The following POU2F1 variants were observed in gnomAD, a reference collection of about 807,000 sequenced individuals.
POU2F1 encodes POU domain, class 2, transcription factor 1.
POU2F1 carries 16 observed loss-of-function variants against 84.9 expected under a neutral mutation model. That is an observed-to-expected ratio of 0.19 (90% CI 0.13 to 0.29). The LOEUF (loss-of-function observed/expected upper bound fraction) is 0.29, where lower values mean the gene tolerates loss of function less well. POU2F1 is among the 10% of genes least tolerant of loss of function. POU2F1 has a pLI of 1.00. For missense variants in POU2F1, 738 were observed against 942.6 expected, an observed-to-expected ratio of 0.78 and a Z score of 2.84; for synonymous variants, 368 against 368.3, an observed-to-expected ratio of 1.00 and a Z score of 0.01.
chr1:167,345,040 C>T (rs762910194), intron 2 of POU2F1, among the ~76,000 whole-genome samples: 2 of 152,130 alleles, frequency 1.3e-5, no homozygotes, highest in Non-Finnish European at 2.9e-5. Context: ...GGGAGGGGAA[C>T]ATCACATACC....
At chr1:167,240,105 A>G (rs1243423582) in intron 1 of POU2F1, among the ~76,000 whole-genome samples, 3 of 152,232 alleles carry the variant, frequency 2.0e-5, no homozygotes, top group Non-Finnish European at 4.4e-5. Flanking sequence ...TAAAATTAAC[A>G]TAATATATGG....
At chr1:167,366,361 A>AGTG (rs1309341193) in intron 3 of POU2F1, among the ~76,000 whole-genome samples, 1 of 152,228 alleles carries the variant, frequency 6.6e-6, no homozygotes, top group African/African-American at 2.4e-5. Flanking sequence ...TAATGATGGT[A>AGTG]GTGGTAGTGA....
rs555867783 is a variant in POU2F1, at chr1:167,425,961, G to C, written c.*10151G>C. On this transcript the variant is annotated 3_prime_UTR_variant, in exon 16 of 16. Coordinates refer to ENST00000367866, the MANE Select transcript of POU2F1 (RefSeq NM_002697.4). Reference sequence around the variant, plus strand: ...AGATGCCTGTGACTTTTTAACTTGGGGGGTGGGGGGATTGCAAATGAAGGA... The same window carrying C: ...AGATGCCTGTGACTTTTTAACTTGGCGGGTGGGGGGATTGCAAATGAAGGA... 4.0e-5 allele frequency: 6 copies of C among 149,836 alleles called. No individual in the cohort carries two copies. Among genetic ancestry groups the C allele is most frequent in the South Asian group, 2.1e-4 (1 of 4,700 alleles). 9.3% of individuals were successfully genotyped at this position (149,836 alleles called of 1,614,324 possible).
intron 1 of POU2F1, among the ~76,000 whole-genome samples, chr1:167,276,173 G>C (rs1008628999): frequency 6.6e-6 from 1 of 152,104 alleles, no homozygotes; most frequent in Admixed American, 6.5e-5. Flanking sequence ...GAAATCTCAC[G>C]GCATCCCACT....
At chr1:167,350,593 G>A (rs1483056666) in intron 2 of POU2F1, among the ~76,000 whole-genome samples, 1 of 150,578 alleles carries the variant, frequency 6.6e-6, no homozygotes. Context: ...AGAATTGCTT[G>A]AACCTGAGAG....
rs150254224 is a variant in POU2F1 at position 167,416,385 on chromosome 1, A to ATTG, written c.*587_*589dup. On this transcript the variant is annotated 3_prime_UTR_variant, in exon 16 of 16. Transcript: ENST00000367866. ...GGCAGGCCTGTATTACTGTATTATT[A>ATTG]TTGTTGTTGTTGTTATTGTTTTATA... 4.2e-5 allele frequency: 8 copies of ATTG among 188,740 alleles called. No homozygotes were observed. The highest frequency in any genetic ancestry group is 6.5e-5 in the Non-Finnish European group (6 of 91,828). 11.7% of individuals were successfully genotyped at this position (188,740 alleles called of 1,614,324 possible). A position where few individuals can be genotyped will look rare whatever the true frequency, so the allele number is the denominator to read the frequency against.
intron 3 of POU2F1, among the ~76,000 whole-genome samples, chr1:167,369,538 T>C (rs955292428): frequency 1.3e-5 from 2 of 152,202 alleles, no homozygotes; most frequent in Non-Finnish European, 2.9e-5. Flanking sequence ...TGTATCCTTA[T>C]TTTCACATAA....
At chr1:167,346,185 A>G (rs1402783415) in intron 2 of POU2F1, among the ~76,000 whole-genome samples, 1 of 151,990 alleles carries the variant, frequency 6.6e-6, no homozygotes, top group Non-Finnish European at 1.5e-5. Context: ...TTTTTTTAAA[A>G]AAAGAATAAT....
chr1:167,238,699 AT>A (rs1649678903), intron 1 of POU2F1, among the ~76,000 whole-genome samples: 2 of 152,226 alleles, frequency 1.3e-5, no homozygotes, highest in Admixed American at 6.5e-5. Context: ...GAGATACTGC[AT>A]ATTCTTTAGG....
chr1:167,406,034 C>G (rs1262489802), intron 13 of POU2F1, among the ~76,000 whole-genome samples: 1 of 151,594 alleles, frequency 6.6e-6, no homozygotes, highest in Non-Finnish European at 1.5e-5. Context: ...CCGGTATTAC[C>G]CAGATACCTA....
intron 1 of POU2F1, among the ~76,000 whole-genome samples, chr1:167,296,693 A>G (rs757611690): frequency 6.6e-6 from 1 of 152,354 alleles, no homozygotes; most frequent in South Asian, 2.1e-4. Flanking sequence ...AGAAATGTAT[A>G]TGGTAAATGT....
intron 1 of POU2F1, among the ~76,000 whole-genome samples, chr1:167,324,889 G>A (rs111777717): frequency 3.9e-5 from 6 of 152,148 alleles, no homozygotes; most frequent in African/African-American, 7.2e-5. Context: ...TTGGTGGGGG[G>A]AGGGGACACT....
chr1:167,406,468 GTGTT>G (rs1015899032), intron 13 of POU2F1, among the ~76,000 whole-genome samples: 2 of 152,188 alleles, frequency 1.3e-5, no homozygotes, highest in African/African-American at 4.8e-5. Flanking sequence ...TTAGGTAAGA[GTGTT>G]TGTTTGCTCT....
intron 1 of POU2F1, among the ~76,000 whole-genome samples, chr1:167,299,751 G>C (rs1281315016): frequency 6.7e-6 from 1 of 148,232 alleles, no homozygotes; most frequent in Non-Finnish European, 1.5e-5. Context: ...CAAAGAGTGG[G>C]ATAAAGCATT....
intron 1 of POU2F1, among the ~76,000 whole-genome samples, chr1:167,242,278 A>T (rs1022147589): frequency 5.3e-5 from 8 of 152,226 alleles, no homozygotes; most frequent in Non-Finnish European, 1.2e-4. Context: ...GACAGTCAAA[A>T]AATAAATGCC....
chr1:167,385,715 G>C (rs1250455100), intron 8 of POU2F1, among the ~76,000 whole-genome samples: 2 of 152,118 alleles, frequency 1.3e-5, no homozygotes, highest in Non-Finnish European at 1.5e-5. Context: ...TTGTGTCCTT[G>C]GGTTAGGCAA....
At position 167,415,776 on chromosome 1, in the gene POU2F1, C is replaced by T. The variant is rs779486311; in HGVS notation, c.2267C>T (p.Ala756Val). Residue 756 changes from alanine (A) to valine (V), a missense_variant, in exon 16 of 16, where the codon GCG becomes GTG. Ala to Val is a moderately conservative substitution (Grantham distance 64). Coordinates refer to ENST00000367866, the MANE Select transcript of POU2F1 (RefSeq NM_002697.4). ...LFTVASASGA[A>V]STTTTASKAQ Reference sequence around the variant, plus strand: ...ACAGTGGCCTCTGCCAGCGGGGCTGCGTCCACCACCACCACCGCCTCCAAG... The same window carrying T: ...ACAGTGGCCTCTGCCAGCGGGGCTGTGTCCACCACCACCACCGCCTCCAAG... The T allele has an allele frequency of 6.2e-6, 10 of 1,613,910 alleles. No individual in the cohort carries two copies. The highest frequency in any genetic ancestry group is 1.6e-4 in the Middle Eastern group (1 of 6,082).
chr1:167,280,360 GTTTT>G (rs775992023), intron 1 of POU2F1, among the ~76,000 whole-genome samples: 1 of 139,744 alleles, frequency 7.2e-6, no homozygotes, highest in South Asian at 2.3e-4. Context: ...GTTATGTAGG[GTTTT>G]TTTTTTTTTC....
At position 167,320,545 on chromosome 1, in the gene POU2F1, G is replaced by A. The variant is rs1656236654; in HGVS notation, c.62-11925G>A. ...CTGTTGTATTTCTGCCTTTGTAAGA[G>A]GGACAATAATTTTTCCAGGATCATA... On this transcript the variant is annotated intron_variant, in intron 1 of 15. Coordinates refer to ENST00000367866, the MANE Select transcript of POU2F1 (RefSeq NM_002697.4). Among the ~76,000 whole-genome samples the A allele has an allele frequency of 2.0e-5, 3 of 152,166 alleles. No individual in the cohort carries two copies. In the East Asian group the frequency reaches 5.8e-4, roughly 29 times the overall value.
Sources: gnomAD v4.1 joint callset for allele counts (sites outside exome capture counted in the v4.1 genomes callset) on GRCh38, gnomAD v4.1.1 for gene constraint, MANE v1.5 for transcripts, NCBI Gene and HGNC (gene_info 2026-07-23, HGNC 2026-07-21) for gene names.